ARHGEF17: variants seen among roughly 807,000 people sequenced by gnomAD.
ARHGEF17 encodes 164 kDa Rho-specific guanine-nucleotide exchange factor.
In ARHGEF17, 80 loss-of-function variants were observed where a neutral mutation model predicts 174.0. The observed-to-expected ratio is 0.46, with a 90% confidence interval of 0.38 to 0.55. ARHGEF17 has a LOEUF of 0.55. Among genes scored for constraint, ARHGEF17 ranks in the 20% least tolerant of loss-of-function variants. ARHGEF17 has a pLI of 0.00. For missense variants in ARHGEF17, 2,886 were observed against 2,839.7 expected, an observed-to-expected ratio of 1.02 and a Z score of -0.37; for synonymous variants, 1,311 against 1,189.1, an observed-to-expected ratio of 1.10 and a Z score of -2.11.
chr11:73,364,722 AC>A, intron 18 of ARHGEF17, 122 bp downstream of exon 18: 1 of 1,310,480 alleles, frequency 7.6e-7, no homozygotes, highest in Non-Finnish European at 1.0e-6. Flanking sequence ...CCTTCCTCTG[AC>A]CACAGAGTGA....
chr11:73,333,732 G>A (rs1047410007), intron 1 of ARHGEF17, among the ~76,000 whole-genome samples: 3 of 152,182 alleles, frequency 2.0e-5, no homozygotes, highest in Non-Finnish European at 4.4e-5. Flanking sequence ...GGGCCACAGT[G>A]CAACCCAGCT....
At position 73,355,524 on chromosome 11, in the gene ARHGEF17, C is replaced by T; in HGVS notation, c.3454-9C>T. On this transcript the variant is annotated splice_polypyrimidine_tract_variant and intron_variant, in intron 3 of 20. Coordinates refer to ENST00000263674, the MANE Select transcript of ARHGEF17 (RefSeq NM_014786.4). ...CTTGAGGGTCCCCAACCTGCCTCCTCCTCCACAGTTCTCCAAGGATGTCCT... is the reference window on the plus strand; with the variant it reads ...CTTGAGGGTCCCCAACCTGCCTCCTTCTCCACAGTTCTCCAAGGATGTCCT... 1 of 1,608,176 alleles carries T rather than the reference C, an allele frequency of 6.2e-7. No individual in the cohort carries two copies. Among genetic ancestry groups the T allele is most frequent in the Non-Finnish European group, 8.5e-7 (1 of 1,174,624 alleles).
rs1277739816 is a variant in ARHGEF17 at position 73,308,406 on chromosome 11, C to T, written c.-233C>T. On this transcript the variant is annotated 5_prime_UTR_variant, in exon 1 of 21. Transcript: ENST00000263674. ...CGCTCCAGCCGCGGCGGGGGCTGGGCCTGGGGGTCGGCGCTGAGGCGGGAG... is the reference window on the plus strand; with the variant it reads ...CGCTCCAGCCGCGGCGGGGGCTGGGTCTGGGGGTCGGCGCTGAGGCGGGAG... 3 of 404,062 alleles carry T rather than the reference C, an allele frequency of 7.4e-6. No homozygotes were observed. Among genetic ancestry groups the T allele is most frequent in the Non-Finnish European group, 8.7e-6 (2 of 230,446 alleles). The allele number at this position is 404,062 out of a possible 1,614,324, so 25.0% of individuals were successfully genotyped here. A position where few individuals can be genotyped will look rare whatever the true frequency, so the allele number is the denominator to read the frequency against.
rs1565193814 is a variant in ARHGEF17, at chr11:73,329,371, A to ATTT, written c.3193-17511_3193-17510insTTT. Reference sequence around the variant, plus strand: ...TATATATATATATATATATATATATATATTTTTTTTTTTTTTTTGTATTTT... The same window carrying ATTT: ...TATATATATATATATATATATATATATTTTATTTTTTTTTTTTTTTTGTATTTT... On this transcript the variant is annotated intron_variant, in intron 1 of 20. Transcript: ENST00000263674. Among the ~76,000 whole-genome samples the ATTT allele has an allele frequency of 6.5e-3, 26 of 4,004 alleles. 1 individual carries two copies. The highest frequency in any genetic ancestry group is 0.019 in the African/African-American group (24 of 1,288). The allele number at this position is 4,004 out of a possible 152,430, so 2.6% of individuals were successfully genotyped here.
chr11:73,337,322 G>A (rs1010256482), intron 1 of ARHGEF17, among the ~76,000 whole-genome samples: 2 of 150,980 alleles, frequency 1.3e-5, no homozygotes, highest in Non-Finnish European at 2.9e-5. Context: ...CAGGAGGATC[G>A]CTTGAGCCCA....
Position 73,310,485 on chromosome 11 carries a change from C to A in ARHGEF17, c.1847C>A (p.Pro616His). The change falls in exon 1 of 21, where the codon CCC (proline) becomes CAC (histidine). Residue 616 changes from proline (P) to histidine (H), a missense_variant. By Grantham distance (77) the Pro-to-His change is moderately conservative. Around this residue, in one of 4 missense-constraint regions of ARHGEF17, gnomAD observed 1,728 missense variants for 1,461.2 expected, o/e 1.18. Coordinates refer to ENST00000263674, the MANE Select transcript of ARHGEF17 (RefSeq NM_014786.4). The stretch of plus-strand genomic sequence containing the variant: ...CAACAAGATGATGGAAGCGATGCCC[C>A]CCCTGGAAGCCCTGACTGGGCAGGG... ...GAQQDDGSDA[P>H]PGSPDWAGDV... is the part of the protein sequence containing the mutation. 1 of 1,613,996 alleles carries A rather than the reference C, an allele frequency of 6.2e-7. No homozygotes were observed. The highest frequency in any genetic ancestry group is 1.1e-5 in the South Asian group (1 of 91,080).
At chr11:73,329,346 TATATATATATATATATA>T (rs1865156643) in intron 1 of ARHGEF17, among the ~76,000 whole-genome samples, 1 of 38,928 alleles carries the variant, frequency 2.6e-5, no homozygotes, top group African/African-American at 2.1e-4. Flanking sequence ...TATATATATA[TATATATATATATATATA>T]TATATATATA....
In ARHGEF17 at chr11:73,311,503, A is replaced by G. The variant is rs1387771861; in HGVS notation, c.2865A>G (p.Arg955=). 1 of 1,612,978 alleles carries G rather than the reference A, an allele frequency of 6.2e-7. No homozygotes were observed. Among genetic ancestry groups the G allele is most frequent in the African/African-American group, 1.3e-5 (1 of 74,910 alleles). ...GSLSRARPSS[R]HVRHASVPAT... ...TGTCTCGGGCCCGGCCCTCCTCCAG[A>G]CACGTTCGCCATGCCAGTGTGCCCG... is the stretch of plus-strand genomic sequence containing the variant. Residue 955 remains arginine, a synonymous_variant, in exon 1 of 21, where the codon AGA becomes AGG. Coordinates refer to ENST00000263674, the MANE Select transcript of ARHGEF17 (RefSeq NM_014786.4).
chr11:73,323,989 C>T (rs1035287471), intron 1 of ARHGEF17, among the ~76,000 whole-genome samples: 3 of 152,222 alleles, frequency 2.0e-5, no homozygotes, highest in African/African-American at 7.2e-5. Context: ...CTGGGTCTTG[C>T]TCCTCTTCCT....
chr11:73,326,375 C>T (rs1865101687), intron 1 of ARHGEF17, among the ~76,000 whole-genome samples: 1 of 151,966 alleles, frequency 6.6e-6, no homozygotes, highest in Admixed American at 6.6e-5. Context: ...TCAGGTGGGC[C>T]CCGGGAGTTC....
chr11:73,328,237 T>G (rs528170342), intron 1 of ARHGEF17, among the ~76,000 whole-genome samples: 1 of 152,150 alleles, frequency 6.6e-6, no homozygotes, highest in East Asian at 1.9e-4. Context: ...GGCTTGGAGT[T>G]CCCCACGGGC....
chr11:73,362,390 T>G, intron 13 of ARHGEF17, 43 bp from the exon 14 acceptor site: 3 of 1,488,128 alleles, frequency 2.0e-6, no homozygotes, highest in Non-Finnish European at 2.7e-6. Flanking sequence ...CGGGGCCCCG[T>G]CTGGCTCGTA....
intron 1 of ARHGEF17, among the ~76,000 whole-genome samples, chr11:73,344,272 A>G (rs1865425291): frequency 6.6e-6 from 1 of 152,160 alleles, no homozygotes; most frequent in African/African-American, 2.4e-5. Context: ...CCCGCACACT[A>G]CACCCGTGGT....
Position 73,346,855 on chromosome 11 carries a change from T to G in ARHGEF17, c.3193-28T>G, listed in dbSNP as rs774115911. 1.1e-4 allele frequency: 163 copies of G among 1,440,498 alleles called. 2 individuals carry two copies. The South Asian group carries it at 2.4e-3, about 21-fold the overall frequency. 89.2% of individuals were successfully genotyped at this position (1,440,498 alleles called of 1,614,324 possible). On this transcript the variant is annotated intron_variant, in intron 1 of 20. Coordinates refer to ENST00000263674, the MANE Select transcript of ARHGEF17 (RefSeq NM_014786.4). Reference sequence around the variant, plus strand: ...TGGGGTCTGGGGGGAAAAAGACCCCTGTTCACCCTCTGCTCCTGTCCCCAC... The same window carrying G: ...TGGGGTCTGGGGGGAAAAAGACCCCGGTTCACCCTCTGCTCCTGTCCCCAC...
At position 73,308,811 on chromosome 11, in the gene ARHGEF17, T is replaced by A; in HGVS notation, c.173T>A (p.Val58Glu). The change falls in exon 1 of 21, where the codon GTG becomes GAG. Residue 58 changes from valine (V) to glutamate (E), a missense_variant. Physicochemically the swap from Val to Glu is moderately radical, Grantham distance 121. Transcript: ENST00000263674. ...TAARGQPSRR[V>E]SKLASGPLAA... ...GCCCGGGGCCAGCCCTCTCGGCGCG[T>A]GTCCAAGCTGGCGTCTGGGCCCCTG... The A allele has an allele frequency of 2.2e-6, 3 of 1,352,200 alleles. No individual in the cohort carries two copies. Among genetic ancestry groups the A allele is most frequent in the Non-Finnish European group, 2.8e-6 (3 of 1,058,970 alleles). The allele number at this position is 1,352,200 out of a possible 1,614,324, so 83.8% of individuals were successfully genotyped here. A position where few individuals can be genotyped will look rare whatever the true frequency, so the allele number is the denominator to read the frequency against.
intron 2 of ARHGEF17, among the ~76,000 whole-genome samples, chr11:73,348,103 C>T (rs117742113): frequency 0.02 from 2,982 of 152,238 alleles, 48 homozygotes; most frequent in Non-Finnish European, 0.025. Flanking sequence ...TGAAGTGGGG[C>T]CTGGCAGTCA....
intron 3 of ARHGEF17, among the ~76,000 whole-genome samples, chr11:73,355,288 A>G (rs1000574428): frequency 6.6e-6 from 1 of 152,248 alleles, no homozygotes; most frequent in African/African-American, 2.4e-5. Flanking sequence ...TCAGGTCTAC[A>G]TATGTGCATA....
rs559962319 is a variant in ARHGEF17, at chr11:73,356,558, T to C, written c.3841-151T>C. 5 of 1,201,132 alleles carry C rather than the reference T, an allele frequency of 4.2e-6. No individual in the cohort carries two copies. The African/African-American group carries it at 4.5e-5, about 11-fold the overall frequency. 74.4% of individuals were successfully genotyped at this position (1,201,132 alleles called of 1,614,324 possible). ...CGTCTGTCTCTGACCTTGGGTCCTG[T>C]GGCCTGGCAGCACAAGGGCATTGAG... On this transcript the variant is annotated intron_variant, in intron 6 of 20. Coordinates refer to ENST00000263674, the MANE Select transcript of ARHGEF17 (RefSeq NM_014786.4).
chr11:73,333,333 T>A (rs897219432), intron 1 of ARHGEF17, among the ~76,000 whole-genome samples: 5 of 152,244 alleles, frequency 3.3e-5, no homozygotes, highest in African/African-American at 1.2e-4. Flanking sequence ...GACCTTCAGC[T>A]GTGAATCTTA....
Sources: gnomAD v4.1 joint callset for allele counts (sites outside exome capture counted in the v4.1 genomes callset) on GRCh38, gnomAD v4.1.1 for gene constraint, gnomAD v4.1.1 regional missense constraint, MANE v1.5 for transcripts, NCBI Gene and HGNC (gene_info 2026-07-23, HGNC 2026-07-21) for gene names.